The following UBE2E2 variants were observed in gnomAD, a reference collection of about 807,000 sequenced individuals.
UBE2E2 encodes ubiquitin-conjugating enzyme E2 E2.
In UBE2E2, 6 loss-of-function variants were observed where a neutral mutation model predicts 24.7. The observed-to-expected ratio is 0.24, with a 90% confidence interval of 0.13 to 0.48. UBE2E2 has a LOEUF of 0.48. Among genes scored for constraint, UBE2E2 ranks in the 20% least tolerant of loss-of-function variants. UBE2E2 has a pLI of 0.99. For synonymous variants in UBE2E2, 104 were observed against 83.6 expected (o/e 1.24, Z -1.33); for missense variants, 169 against 245.0 (o/e 0.69, Z 2.07).
intron 3 of UBE2E2, among the ~76,000 whole-genome samples, chr3:23,246,077 T>C (rs1295434383): frequency 1.3e-5 from 2 of 152,142 alleles, no homozygotes; most frequent in Non-Finnish European, 1.5e-5. Context: ...GCTAGTCTTG[T>C]TCTATCACCC....
At chr3:23,261,189 T>A (rs1247683346) in intron 3 of UBE2E2, among the ~76,000 whole-genome samples, 1 of 151,830 alleles carries the variant, frequency 6.6e-6, no homozygotes, top group Non-Finnish European at 1.5e-5. Flanking sequence ...TTTTTTTTTT[T>A]AAAGCTTAGG....
At chr3:23,278,272 C>G (rs767784065) in intron 3 of UBE2E2, among the ~76,000 whole-genome samples, 2 of 152,046 alleles carry the variant, frequency 1.3e-5, no homozygotes, top group Non-Finnish European at 2.9e-5. Flanking sequence ...CTTAAGATTT[C>G]TAATTTAATT....
chr3:23,299,267 T>C (rs953242257), intron 3 of UBE2E2, among the ~76,000 whole-genome samples: 5 of 152,228 alleles, frequency 3.3e-5, no homozygotes, highest in Non-Finnish European at 7.3e-5. Context: ...GAAGGTTTTT[T>C]TGTGTCTCTA....
At chr3:23,237,109 A>G (rs1440151411) in intron 3 of UBE2E2, among the ~76,000 whole-genome samples, 1 of 152,078 alleles carries the variant, frequency 6.6e-6, no homozygotes, top group Non-Finnish European at 1.5e-5. Flanking sequence ...CAGTTCCTTC[A>G]TCTGTAAAAC....
At chr3:23,266,020 T>G (rs1698038147) in intron 3 of UBE2E2, among the ~76,000 whole-genome samples, 1 of 152,206 alleles carries the variant, frequency 6.6e-6, no homozygotes, top group Non-Finnish European at 1.5e-5. Context: ...TCCATCCTTT[T>G]ATTTTGAGCC....
intron 5 of UBE2E2, chr3:23,534,014 C>A (rs1160286683): frequency 6.0e-6 from 1 of 167,464 alleles, no homozygotes; most frequent in African/African-American, 2.4e-5. Flanking sequence ...TAATGTTATA[C>A]TAATTTAAAG....
chr3:23,373,734 T>C lies in UBE2E2; in HGVS notation c.228-125874T>C, dbSNP rs555663192. The stretch of plus-strand genomic sequence containing the variant: ...CATACATCCTGGCTTGTACTGGATG[T>C]ATGTCACCATCCTGGCATAATTGTT... On this transcript the variant is annotated intron_variant, in intron 3 of 5. Transcript: ENST00000396703. 3.2e-4 allele frequency among the ~76,000 whole-genome samples: 49 copies of C among 152,248 alleles called. 1 individual carries two copies. The highest frequency in any genetic ancestry group is 2.8e-4 in the Non-Finnish European group (19 of 68,008).
intron 5 of UBE2E2, among the ~76,000 whole-genome samples, chr3:23,535,614 C>G (rs536710238): frequency 6.8e-5 from 9 of 131,720 alleles, no homozygotes; most frequent in African/African-American, 2.6e-4. Context: ...CCTGATAGAG[C>G]ATTCTTTTTT....
chr3:23,300,634 A>C (rs1180570287), intron 3 of UBE2E2, among the ~76,000 whole-genome samples: 1 of 152,158 alleles, frequency 6.6e-6, no homozygotes, highest in African/African-American at 2.4e-5. Context: ...TGGCTTGTAG[A>C]GTTTCTGCCG....
At chr3:23,441,421 C>A (rs1480183500) in intron 3 of UBE2E2, among the ~76,000 whole-genome samples, 2 of 150,642 alleles carry the variant, frequency 1.3e-5, no homozygotes, top group African/African-American at 4.9e-5. Flanking sequence ...CGCCTGTAGT[C>A]CCAGCTACTC....
rs114168633 is a variant in UBE2E2, at chr3:23,280,524, C to T, written c.227+63212C>T. Among the ~76,000 whole-genome samples, 110 of 152,206 alleles carry T rather than the reference C, an allele frequency of 7.2e-4. 1 individual carries two copies. The highest frequency in any genetic ancestry group is 2.6e-3 in the African/African-American group (107 of 41,536). Reference sequence around the variant, plus strand: ...ACATTTTGCCTTCTTTTTTCCCATCCGTGGCTGGCAGTTGACAGTGTTGAG... The same window carrying T: ...ACATTTTGCCTTCTTTTTTCCCATCTGTGGCTGGCAGTTGACAGTGTTGAG... On this transcript the variant is annotated intron_variant, in intron 3 of 5. Coordinates refer to ENST00000396703, the MANE Select transcript of UBE2E2 (RefSeq NM_152653.4). The surrounding 1 kb of genome is among the most constrained non-coding windows in gnomAD (Gnocchi z 4.3).
chr3:23,453,660 T>A (rs2125418436), intron 3 of UBE2E2, among the ~76,000 whole-genome samples: 1 of 152,326 alleles, frequency 6.6e-6, no homozygotes, highest in Admixed American at 6.5e-5. Flanking sequence ...TAATAAAATA[T>A]AAATCAAGAT....
At chr3:23,448,660 T>G (rs1698488165) in intron 3 of UBE2E2, among the ~76,000 whole-genome samples, 2 of 152,240 alleles carry the variant, frequency 1.3e-5, no homozygotes, top group Admixed American at 6.5e-5. Flanking sequence ...AATTCAAATG[T>G]GTTACCTAAT....
intron 4 of UBE2E2, among the ~76,000 whole-genome samples, chr3:23,507,909 T>C (rs899495991): frequency 6.6e-6 from 1 of 152,230 alleles, no homozygotes; most frequent in Non-Finnish European, 1.5e-5. Flanking sequence ...TTCTTCAATA[T>C]GTTTCTAATT....
At chr3:23,478,584 A>G (rs1313299619) in intron 3 of UBE2E2, among the ~76,000 whole-genome samples, 2 of 152,230 alleles carry the variant, frequency 1.3e-5, no homozygotes, top group East Asian at 3.8e-4. Flanking sequence ...AGAGCCTCCA[A>G]AACCAAAAAA....
At chr3:23,377,134 C>T (rs1049718159) in intron 3 of UBE2E2, among the ~76,000 whole-genome samples, 4 of 152,120 alleles carry the variant, frequency 2.6e-5, no homozygotes, top group East Asian at 1.9e-4. Flanking sequence ...GCATTGGGTC[C>T]GTGTTCTGTT....
intron 5 of UBE2E2, among the ~76,000 whole-genome samples, chr3:23,563,021 C>T (rs1194789167): frequency 6.6e-6 from 1 of 152,112 alleles, no homozygotes; most frequent in Non-Finnish European, 1.5e-5. Context: ...AAAAAACCAG[C>T]TCCTGGATTC....
chr3:23,458,273 A>G (rs1237451562), intron 3 of UBE2E2, among the ~76,000 whole-genome samples: 1 of 152,000 alleles, frequency 6.6e-6, no homozygotes, highest in East Asian at 1.9e-4. Flanking sequence ...GAAGGTGGCC[A>G]GTCAGTGGAG....
chr3:23,563,918 C>G (rs1050417995), intron 5 of UBE2E2, among the ~76,000 whole-genome samples: 4 of 150,528 alleles, frequency 2.7e-5, no homozygotes, highest in Non-Finnish European at 5.9e-5. Flanking sequence ...TTACCTCTGA[C>G]AAGATGGAGC....
Sources: gnomAD v4.1 joint callset for allele counts (sites outside exome capture counted in the v4.1 genomes callset) on GRCh38, gnomAD v4.1.1 for gene constraint, Gnocchi (gnomAD v3.1) non-coding constraint, MANE v1.5 for transcripts, NCBI Gene and HGNC (gene_info 2026-07-23, HGNC 2026-07-21) for gene names.